ARSH: variants seen among roughly 807,000 people sequenced by gnomAD.
ARSH encodes the protein arylsulfatase family member H, also known as arylsulfatase H.
Under a neutral mutation model 28.7 loss-of-function variants are expected in ARSH, and 32 were observed. The observed-to-expected ratio is 1.11, with a 90% confidence interval of 0.84 to 1.50. The LOEUF is 1.50. Ranked by LOEUF, ARSH falls within the 40% of genes most tolerant of loss-of-function variation. The pLI is 0.00. For missense variants in ARSH, 440 were observed against 452.4 expected, an observed-to-expected ratio of 0.97 and a Z score of 0.25; for synonymous variants, 176 against 177.3, an observed-to-expected ratio of 0.99 and a Z score of 0.06.
intron 2 of ARSH, among the ~76,000 whole-genome samples, chrX:3,010,505 CCACCTCT>C (rs1480599806): frequency 1.8e-5 from 2 of 111,502 alleles, no homozygotes; most frequent in African/African-American, 6.5e-5. Flanking sequence ...TGGATCAAAT[CCACCTCT>C]GTGGATGAGA....
At chrX:3,029,422 C>T in intron 8 of ARSH, 54 bp downstream of exon 8, 1 of 1,164,878 alleles carries the variant, frequency 8.6e-7, no homozygotes, top group Non-Finnish European at 1.2e-6. Flanking sequence ...CGGTTCCGGT[C>T]TCCTTCGTCT....
intron 5 of ARSH, among the ~76,000 whole-genome samples, chrX:3,023,291 TTAA>T (rs1265125584): frequency 9.5e-6 from 1 of 105,213 alleles, no homozygotes; most frequent in Non-Finnish European, 1.9e-5. Context: ...ATTTAATATA[TTAA>T]TTAGACATAT....
intron 1 of ARSH, among the ~76,000 whole-genome samples, chrX:3,007,246 TTA>T (rs1491348126): frequency 6.2e-4 from 21 of 33,766 alleles, no homozygotes; most frequent in African/African-American, 2.9e-3. Flanking sequence ...GAGACTCTGT[TTA>T]AAAAAAAAAA....
chrX:3,012,603 T>TATATA (rs1555914150), intron 2 of ARSH, among the ~76,000 whole-genome samples: 1,137 of 26,202 alleles, frequency 0.043, 56 homozygotes, highest in East Asian at 0.082. Flanking sequence ...ATATATAATA[T>TATATA]ATATATGTAT....
chrX:3,032,284 AAAAT>A (rs756118985), intron 8 of ARSH, among the ~76,000 whole-genome samples: 4 of 110,061 alleles, frequency 3.6e-5, no homozygotes, highest in Non-Finnish European at 5.7e-5. Context: ...ACCCTGCCTC[AAAAT>A]AAATAAATAA....
At chrX:3,017,376 G>A (rs1002833150) in intron 4 of ARSH, among the ~76,000 whole-genome samples, 1 of 110,326 alleles carries the variant, frequency 9.1e-6, no homozygotes, top group South Asian at 3.9e-4. Context: ...CACCAGACTG[G>A]GCAATATAGT....
At chrX:3,020,122 CA>C (rs1304271148) in intron 5 of ARSH, among the ~76,000 whole-genome samples, 8 of 105,956 alleles carry the variant, frequency 7.6e-5, no homozygotes, top group East Asian at 3.0e-4. Flanking sequence ...TCCATCTCTA[CA>C]AAAAAATACA....
At position 3,029,314 on chromosome X, in the gene ARSH, C is replaced by A. The variant is rs2089907474; in HGVS notation, c.1267C>A (p.Leu423Ile). The A allele has an allele frequency of 8.3e-7, 1 of 1,208,722 alleles. No homozygotes were observed. Among genetic ancestry groups the A allele is most frequent in the African/African-American group, 1.8e-5 (1 of 56,839 alleles). The change falls in exon 8 of 9, where the codon CTC becomes ATC. Residue 423 changes from leucine to isoleucine, a missense_variant. By Grantham distance (5) the Leu-to-Ile change is conservative. Transcript: ENST00000381130. ...GGCGTCCCACTCCGACCACGAGTTC[C>A]TCTTCCACTACTGTGGGGTCTATCT... The part of the protein sequence containing the change: ...GRASHSDHEF[L>I]FHYCGVYLHT...
At chrX:3,017,993 G>A (rs146232526) in intron 4 of ARSH, among the ~76,000 whole-genome samples, 1 of 112,105 alleles carries the variant, frequency 8.9e-6, no homozygotes, top group African/African-American at 3.2e-5. Context: ...AATGAACTGC[G>A]TTAAACATTT....
At chrX:3,008,494 T>TTTC (rs1184575167) in intron 1 of ARSH, among the ~76,000 whole-genome samples, 1 of 103,568 alleles carries the variant, frequency 9.7e-6, no homozygotes, top group African/African-American at 3.5e-5. Flanking sequence ...TCTTTCTTTC[T>TTTC]TTCTTTCTTT....
chrX:3,027,207 A>G (rs1272980796), intron 6 of ARSH, 106 bp from the exon 7 acceptor site: 12 of 872,313 alleles, frequency 1.4e-5, no homozygotes, highest in Non-Finnish European at 1.9e-5. Context: ...TGATCCGCCC[A>G]CCTCGGCCCC....
chrX:3,012,064 T>G (rs764392312), intron 2 of ARSH, among the ~76,000 whole-genome samples: 1 of 111,800 alleles, frequency 8.9e-6, no homozygotes, highest in Non-Finnish European at 1.9e-5. Context: ...GCCGGTCTCC[T>G]GATCTCAGGT....
chrX:3,033,671 G>A lies in ARSH; in HGVS notation c.*286G>A, dbSNP rs568718357. On this transcript the variant is annotated 3_prime_UTR_variant, in exon 9 of 9. Transcript: ENST00000381130. ...GGTGACTTCAGCAGATTCTTGTAGA[G>A]CTTTTGTTCCTAGAATTCATGGAAG... 6.4e-5 allele frequency: 11 copies of A among 173,112 alleles called. No individual in the cohort carries two copies. In the South Asian group the frequency reaches 2.0e-3, roughly 32 times the overall value. The allele number at this position is 173,112 out of a possible 1,213,427, so 14.3% of individuals were successfully genotyped here. A position where few individuals can be genotyped will look rare whatever the true frequency, so the allele number is the denominator to read the frequency against.
At chrX:3,008,745 T>TG (rs2147451166) in intron 1 of ARSH, among the ~76,000 whole-genome samples, 1 of 108,879 alleles carries the variant, frequency 9.2e-6, no homozygotes, top group Admixed American at 1.0e-4. Flanking sequence ...TGTTTTGTTT[T>TG]TTTTTTGTTT....
At chrX:3,009,995 G>A in intron 1 of ARSH, 35 bp from the exon 2 acceptor site, 4 of 1,199,109 alleles carry the variant, frequency 3.3e-6, no homozygotes, top group Non-Finnish European at 4.5e-6. Context: ...AGAATTTTTA[G>A]AAACTCACCT....
In ARSH at chrX:3,013,182, C is replaced by T. The variant is rs1043419019; in HGVS notation, c.340+10C>T. 5 of 1,197,032 alleles carry T rather than the reference C, an allele frequency of 4.2e-6. No homozygotes were observed. Among genetic ancestry groups the T allele is most frequent in the African/African-American group, 1.8e-5 (1 of 56,624 alleles). On this transcript the variant is annotated intron_variant, in intron 3 of 8. Transcript: ENST00000381130. ...CGCACGGGACTCATAGGTATGGCGC[C>T]GGAACTCTGCCCGTGGAAACGTGAT...
At position 3,006,707 on chromosome X, in the gene ARSH, A is replaced by G; in HGVS notation, c.92+3A>G. The G allele has an allele frequency of 8.4e-7, 1 of 1,195,473 alleles. No homozygotes were observed. The highest frequency in any genetic ancestry group is 1.8e-5 in the South Asian group (1 of 56,178). Reference sequence around the variant, plus strand: ...TGCTACGGTAATAACTCAGTGAGGTAAAGATGGACTCTGACCCCCTCCCTG... The same window carrying G: ...TGCTACGGTAATAACTCAGTGAGGTGAAGATGGACTCTGACCCCCTCCCTG... On this transcript the variant is annotated splice_donor_region_variant and intron_variant, in intron 1 of 8. Coordinates refer to ENST00000381130, the MANE Select transcript of ARSH (RefSeq NM_001011719.2).
intron 8 of ARSH, among the ~76,000 whole-genome samples, chrX:3,032,478 G>A (rs927749064): frequency 1.4e-4 from 14 of 101,823 alleles, no homozygotes; most frequent in African/African-American, 4.7e-4. Flanking sequence ...GAGGAAAGGA[G>A]GGAGCGAGGG....
In ARSH at chrX:3,033,393, C is replaced by T. The variant is rs5939155; in HGVS notation, c.*8C>T. 4.2e-6 allele frequency: 5 copies of T among 1,189,393 alleles called. No homozygotes were observed. The highest frequency in any genetic ancestry group is 3.6e-5 in the African/African-American group (2 of 56,253). On this transcript the variant is annotated 3_prime_UTR_variant, in exon 9 of 9. Transcript: ENST00000381130. ...CTTCCCATGGCTCCCTGAGACCATG[C>T]GGACCACGTGTTACCCACCACAAAC...
Sources: gnomAD v4.1 joint callset for allele counts (sites outside exome capture counted in the v4.1 genomes callset) on GRCh38, gnomAD v4.1.1 for gene constraint, MANE v1.5 for transcripts, NCBI Gene and HGNC (gene_info 2026-07-23, HGNC 2026-07-21) for gene names.